Variants in ITPR1 observed in about 807,000 individuals in gnomAD.
The protein encoded by ITPR1 is inositol 1,4,5-trisphosphate receptor type 1.
Under a neutral mutation model 318.4 loss-of-function variants are expected in ITPR1, and 96 were observed. The ratio of observed to expected loss-of-function variants is 0.30; its 90% CI spans 0.26 to 0.36. The LOEUF (loss-of-function observed/expected upper bound fraction) is 0.36, where lower values mean the gene tolerates loss of function less well. Ranked by LOEUF, ITPR1 falls within the 10% of genes least tolerant of loss-of-function variation. The pLI, the probability that ITPR1 is intolerant of heterozygous loss-of-function variation, is 1.00. For synonymous variants in ITPR1, 1,312 were observed against 1,289.9 expected, an observed-to-expected ratio of 1.02 and a Z score of -0.37; for missense variants, 2,440 against 3,460.2, an observed-to-expected ratio of 0.71 and a Z score of 7.40.
chr3:4,549,496 C>T (rs1293922755), intron 4 of ITPR1, among the ~76,000 whole-genome samples: 1 of 151,258 alleles, frequency 6.6e-6, no homozygotes, highest in Non-Finnish European at 1.5e-5. Flanking sequence ...CTCCCTCCCT[C>T]TCTTCCTTTT....
chr3:4,493,969 A>G (rs1341098422), intron 1 of ITPR1, among the ~76,000 whole-genome samples: 1 of 146,314 alleles, frequency 6.8e-6, no homozygotes, highest in East Asian at 2.0e-4. Context: ...CTAAAAATGT[A>G]TCCCTCTCTT....
chr3:4,500,567 A>T (rs2080943659), intron 2 of ITPR1, among the ~76,000 whole-genome samples: 1 of 152,222 alleles, frequency 6.6e-6, no homozygotes, highest in South Asian at 2.1e-4. Flanking sequence ...CATCTTACAG[A>T]CGAGAAGACA....
At chr3:4,791,318 T>C (rs1035591250) in intron 52 of ITPR1, among the ~76,000 whole-genome samples, 2 of 152,162 alleles carry the variant, frequency 1.3e-5, no homozygotes, top group Non-Finnish European at 2.9e-5. Flanking sequence ...CAGAGACTGG[T>C]TTCATGGAAG....
chr3:4,796,281 AACAC>A (rs768803709), intron 53 of ITPR1, among the ~76,000 whole-genome samples: 1 of 136,526 alleles, frequency 7.3e-6, no homozygotes, highest in Non-Finnish European at 1.6e-5. Flanking sequence ...GTACAATCTA[AACAC>A]AAGTCCAGGG....
Position 4,675,154 on chromosome 3 carries a change from A to G in ITPR1, c.2685A>G (p.Ile895Met). Residue 895 changes from isoleucine (I) to methionine (M), a missense_variant, in exon 23 of 62, where the codon ATA becomes ATG. Around this residue, in one of 23 missense-constraint regions of ITPR1, gnomAD observed 478 missense variants for 696.3 expected, o/e 0.69. Transcript: ENST00000649015. Reference protein sequence around the residue: ...LLRLTKILLAILDCVHVTTIF... With the variant: ...LLRLTKILLAMLDCVHVTTIF... The stretch of plus-strand genomic sequence containing the variant: ...GATTAACTAAGATCCTTCTGGCCAT[A>G]TTGGACTGTGTACATGTGACAACAA... The G allele has an allele frequency of 1.2e-6, 2 of 1,610,814 alleles. No individual in the cohort carries two copies. Among genetic ancestry groups the G allele is most frequent in the Non-Finnish European group, 8.5e-7 (1 of 1,177,202 alleles).
In ITPR1 at chr3:4,800,419, T is replaced by G. The variant is rs2048152787; in HGVS notation, c.6932-6T>G. 1.2e-6 allele frequency: 2 copies of G among 1,612,752 alleles called. No individual in the cohort carries two copies. The highest frequency in any genetic ancestry group is 2.7e-5 in the African/African-American group (2 of 74,956). ...TTTGTGAGAGAACCCTGTTTTGTCC[T>G]TGCAGGAACCCTGGAGCCCCACTGG... On this transcript the variant is annotated splice_polypyrimidine_tract_variant and splice_region_variant and intron_variant, in intron 53 of 61. Transcript: ENST00000649015.
intron 52 of ITPR1, among the ~76,000 whole-genome samples, chr3:4,792,074 G>A (rs1047779791): frequency 2.0e-5 from 3 of 152,202 alleles, no homozygotes; most frequent in South Asian, 2.1e-4. Context: ...TGTGGCCCCC[G>A]GCCCCTCCCT....
Position 4,777,273 on chromosome 3 carries a change from G to A in ITPR1, c.6190G>A (p.Ala2064Thr). 1.3e-6 allele frequency: 2 copies of A among 1,598,640 alleles called. No homozygotes were observed. The highest frequency in any genetic ancestry group is 1.7e-6 in the Non-Finnish European group (2 of 1,170,902). Reference protein sequence around the residue: ...GPCHENQNCIATHESNGIDII... With the variant: ...GPCHENQNCITTHESNGIDII... ...GTGTGTCTTTGCTCAGAACTGCATA[G>A]CCACCCATGAATCCAATGGCATTGA... is the stretch of plus-strand genomic sequence containing the variant. The change falls in exon 48 of 62, where the codon GCC becomes ACC. Residue 2064 changes from alanine (A) to threonine (T), a missense_variant. By Grantham distance (58) the Ala-to-Thr change is moderately conservative. Around this residue, in one of 23 missense-constraint regions of ITPR1, gnomAD observed 76 missense variants for 162.1 expected, o/e 0.47. Transcript: ENST00000649015.
intron 60 of ITPR1, among the ~76,000 whole-genome samples, chr3:4,828,707 C>A (rs369915573): frequency 2.0e-4 from 31 of 152,298 alleles, no homozygotes; most frequent in African/African-American, 7.0e-4. Context: ...GGGTGTGGTT[C>A]TCTCTGCTGG....
At chr3:4,788,555 C>T (rs1469627343) in intron 52 of ITPR1, among the ~76,000 whole-genome samples, 1 of 152,186 alleles carries the variant, frequency 6.6e-6, no homozygotes, top group African/African-American at 2.4e-5. Flanking sequence ...GGTATTTTCC[C>T]TTTTATGGGG....
Position 4,653,881 on chromosome 3 carries a change from C to T in ITPR1, c.991C>T (p.Pro331Ser), listed in dbSNP as rs764610161. 5.0e-6 allele frequency: 8 copies of T among 1,608,274 alleles called. No individual in the cohort carries two copies. The East Asian group carries it at 6.7e-5, about 13-fold the overall frequency. ...DFEEECLEFQ[P>S]SVDPDQDASR... ...TGAGGAAGAATGCCTGGAGTTTCAG[C>T]CCTCAGTAAGTATGGACAAGAGCCT... Residue 331 changes from proline (P) to serine (S), a missense_variant, in exon 12 of 62, where the codon CCC (proline) becomes TCC (serine). Transcript: ENST00000649015.
At chr3:4,603,089 A>G (rs1390627835) in intron 4 of ITPR1, among the ~76,000 whole-genome samples, 1 of 152,190 alleles carries the variant, frequency 6.6e-6, no homozygotes, top group East Asian at 1.9e-4. Context: ...AAATAAAATA[A>G]TAAAACATCC....
intron 12 of ITPR1, among the ~76,000 whole-genome samples, chr3:4,655,962 G>A (rs774694176): frequency 1.4e-4 from 22 of 152,240 alleles, no homozygotes; most frequent in Middle Eastern, 3.4e-3. Context: ...GGAAAACCTC[G>A]AATTTTTTTG....
intron 4 of ITPR1, among the ~76,000 whole-genome samples, chr3:4,549,927 GA>G (rs2085390050): frequency 6.6e-6 from 1 of 152,180 alleles, no homozygotes; most frequent in African/African-American, 2.4e-5. Context: ...TCTACTAACT[GA>G]AAAGCCAAGG....
Position 4,645,714 on chromosome 3 carries a change from C to T in ITPR1, c.841C>T (p.Leu281=), listed in dbSNP as rs1040065865. 6.2e-7 allele frequency: 1 copy of T among 1,612,976 alleles called. No homozygotes were observed. The highest frequency in any genetic ancestry group is 8.5e-7 in the Non-Finnish European group (1 of 1,179,724). Residue 281 remains leucine, a synonymous_variant, in exon 10 of 62, where the codon CTG becomes TTG. Coordinates refer to ENST00000649015, the MANE Select transcript of ITPR1 (RefSeq NM_001378452.1). ...SATSATSSKA[L]WEVEVVQHDP... is the part of the protein sequence containing the mutation. ...CACATCTGCCACCAGTTCAAAAGCC[C>T]TGTGGGAGGTGGAGGTAAGGGTAGG...
chr3:4,766,079 G>A (rs952431516), intron 44 of ITPR1, among the ~76,000 whole-genome samples: 2 of 152,188 alleles, frequency 1.3e-5, no homozygotes, highest in East Asian at 3.8e-4. Context: ...AATGAGCAAA[G>A]GCAGCATATC....
At chr3:4,668,080 A>T (rs948772940) in intron 18 of ITPR1, among the ~76,000 whole-genome samples, 5 of 152,078 alleles carry the variant, frequency 3.3e-5, no homozygotes, top group African/African-American at 1.2e-4. Context: ...ATTCAGTTCT[A>T]TTCTTTTAGT....
rs75289069 is a variant in ITPR1, at chr3:4,493,916, T to A, written c.-93+311T>A. ...TTTTTTTTTTTTTTTGAAGAGAGGT[T>A]GTGGGGGTGTCATATGTGAGTCTGC... On this transcript the variant is annotated intron_variant, in intron 1 of 61. Transcript: ENST00000649015. 1.4e-3 allele frequency among the ~76,000 whole-genome samples: 211 copies of A among 146,176 alleles called. 6 individuals are homozygous for A. The East Asian group carries it at 0.042, about 29-fold the overall frequency.
At chr3:4,509,839 A>T (rs2081666925) in intron 2 of ITPR1, among the ~76,000 whole-genome samples, 1 of 152,176 alleles carries the variant, frequency 6.6e-6, no homozygotes, top group Non-Finnish European at 1.5e-5. Context: ...CAGCAGATAC[A>T]ATAGCACTAA....
Sources: gnomAD v4.1 joint callset for allele counts (sites outside exome capture counted in the v4.1 genomes callset) on GRCh38, gnomAD v4.1.1 for gene constraint, gnomAD v4.1.1 regional missense constraint, MANE v1.5 for transcripts, NCBI Gene and HGNC (gene_info 2026-07-23, HGNC 2026-07-21) for gene names.